The following SEC14L3 variants were observed in gnomAD, a reference collection of about 807,000 sequenced individuals.
SEC14L3 encodes the protein SEC14-like protein 3.
Under a neutral mutation model 57.4 loss-of-function variants are expected in SEC14L3, and 56 were observed. The observed-to-expected ratio is 0.97, with a 90% CI of 0.79 to 1.22. The LOEUF (loss-of-function observed/expected upper bound fraction) is 1.22. SEC14L3 is among the 50% of genes most tolerant of loss of function. The pLI, the probability that SEC14L3 is intolerant of heterozygous loss-of-function variation, is 0.00. For missense variants in SEC14L3, 485 were observed against 511.7 expected, an observed-to-expected ratio of 0.95 and a Z score of 0.50; for synonymous variants, 173 against 194.4, an observed-to-expected ratio of 0.89 and a Z score of 0.92.
chr22:30,460,190 CTT>C, intron 11 of SEC14L3, 48 bp from the exon 12 acceptor site: 8 of 1,597,130 alleles, frequency 5.0e-6, no homozygotes, highest in Non-Finnish European at 6.9e-6. Flanking sequence ...TTTACACACT[CTT>C]TTTTCCACCC....
intron 8 of SEC14L3, 128 bp from the exon 9 acceptor site, chr22:30,462,320 C>T (rs1601818616): frequency 2.9e-6 from 4 of 1,393,060 alleles, no homozygotes; most frequent in South Asian, 3.0e-5. Context: ...ACCAATTCCC[C>T]AGTGTCCTAG....
chr22:30,457,424 T>C (rs1332188254), downstream of SEC14L3, among the ~76,000 whole-genome samples: 10 of 146,062 alleles, frequency 6.8e-5, no homozygotes, highest in Non-Finnish European at 1.2e-4. Flanking sequence ...GCTCTGTTGC[T>C]CAGGCTGGAG....
Position 30,461,480 on chromosome 22 carries a change from C to G in SEC14L3, c.912-1G>C, listed in dbSNP as rs1277720403. 3 of 1,613,154 alleles carry G rather than the reference C, an allele frequency of 1.9e-6. No individual in the cohort carries two copies. The highest frequency in any genetic ancestry group is 2.5e-6 in the Non-Finnish European group (3 of 1,179,486). ...CGCACCATCAGATGAGAACTGCCAC[C>G]TGTCAGGGGGAGGGGGAGGAGACAG... is the stretch of plus-strand genomic sequence containing the variant. On this transcript the variant is annotated splice_acceptor_variant, in intron 10 of 11. Coordinates refer to ENST00000215812, the MANE Select transcript of SEC14L3 (RefSeq NM_174975.5). LOFTEE classifies it high-confidence loss of function.
chr22:30,469,060 G>C (rs1935520055), intron 4 of SEC14L3: 1 of 982,838 alleles, frequency 1.0e-6, no homozygotes, highest in Non-Finnish European at 1.4e-6. Flanking sequence ...GCTCATGCCT[G>C]TAATCCCAGC....
intron 5 of SEC14L3, among the ~76,000 whole-genome samples, chr22:30,467,921 A>G (rs1023279627): frequency 4.6e-5 from 7 of 152,232 alleles, no homozygotes; most frequent in African/African-American, 1.7e-4. Flanking sequence ...AGGCTCAGAC[A>G]GGTGAAATGA....
At position 30,470,519 on chromosome 22, in the gene SEC14L3, G is replaced by A. The variant is rs116155456; in HGVS notation, c.118C>T (p.Arg40Cys). 1.1e-4 allele frequency: 176 copies of A among 1,614,166 alleles called. No homozygotes were observed. The African/African-American group carries it at 1.7e-3, about 15-fold the overall frequency. ...LPNPDDYFLL[R>C]WLRARNFDLQ... ...CCTCTGCCCTCACCTCGGAGCCAGC[G>A]TAGAAGGAAATAATCATCAGGGTTG... The change falls in exon 2 of 12, where the codon CGC (arginine) becomes TGC (cysteine). Residue 40 changes from arginine to cysteine, a missense_variant. Transcript: ENST00000215812.
Position 30,461,328 on chromosome 22 carries a change from AG to A in SEC14L3, c.1062del (p.Cys355AlafsTer57). The A allele has an allele frequency of 1.2e-6, 2 of 1,602,722 alleles. No individual in the cohort carries two copies. The highest frequency in any genetic ancestry group is 2.2e-5 in the South Asian group (2 of 88,992). On this transcript the variant is annotated frameshift_variant, in exon 11 of 12. Coordinates refer to ENST00000215812, the MANE Select transcript of SEC14L3 (RefSeq NM_174975.5). LOFTEE classifies it high-confidence loss of function. The part of the protein sequence containing the change: ...AHMVPEDGNL[T>X]CSEAGVYVLR... ...GACTTACAGACGCCGGCCTCTGAGC[AG>A]GTGAGGTTCCCATCCTCGGGCACCA...
In SEC14L3 at chr22:30,467,053, C is replaced by CGATGGTCT. The variant is rs1569230737; in HGVS notation, c.440_447dup (p.Val150ArgfsTer4). ...AGGCCCTCACAGTCAAATATCATCACGATGGTCTCAATCTTCTTCCCTAGC... is the reference window on the plus strand; with the variant it reads ...AGGCCCTCACAGTCAAATATCATCACGATGGTCTGATGGTCTCAATCTTCTTCCCTAGC... On this transcript the variant is annotated frameshift_variant, in exon 6 of 12. Coordinates refer to ENST00000215812, the MANE Select transcript of SEC14L3 (RefSeq NM_174975.5). LOFTEE classifies it high-confidence loss of function. The CGATGGTCT allele has an allele frequency of 5.0e-6, 8 of 1,614,026 alleles. No individual in the cohort carries two copies. The highest frequency in any genetic ancestry group is 5.9e-6 in the Non-Finnish European group (7 of 1,179,946).
rs1018372669 is a variant in SEC14L3, at chr22:30,471,948, C to T, written c.11G>A (p.Arg4Gln). The T allele has an allele frequency of 2.7e-5, 44 of 1,608,522 alleles. No individual in the cohort carries two copies. The highest frequency in any genetic ancestry group is 1.7e-4 in the Middle Eastern group (1 of 6,060). MSGRVGDLSPKQAE... is the reference protein window; with the variant it reads MSGQVGDLSPKQAE... Reference sequence around the variant, plus strand: ...CTGTTTGGGGCTCAGGTCTCCAACTCGGCCGCTCATGGTGCTGGCTGGGGC... The same window carrying T: ...CTGTTTGGGGCTCAGGTCTCCAACTTGGCCGCTCATGGTGCTGGCTGGGGC... Residue 4 changes from arginine (R) to glutamine (Q), a missense_variant, in exon 1 of 12, where the codon CGA becomes CAA. Arg to Gln is a conservative substitution (Grantham distance 43). Coordinates refer to ENST00000215812, the MANE Select transcript of SEC14L3 (RefSeq NM_174975.5).
Position 30,469,058 on chromosome 22 carries a change from C to A in SEC14L3, c.235-362G>T, listed in dbSNP as rs996371908. On this transcript the variant is annotated intron_variant, in intron 4 of 11. Coordinates refer to ENST00000215812, the MANE Select transcript of SEC14L3 (RefSeq NM_174975.5). ...ACTGGCTGGGCATGGAGGCTCATGC[C>A]TGTAATCCCAGCTACTCAGGAGGTT... 6.8e-6 allele frequency: 7 copies of A among 1,029,800 alleles called. No homozygotes were observed. The East Asian group carries it at 2.2e-4, about 32-fold the overall frequency. The allele number at this position is 1,029,800 out of a possible 1,614,324, so 63.8% of individuals were successfully genotyped here. A position where few individuals can be genotyped will look rare whatever the true frequency, so the allele number is the denominator to read the frequency against.
Position 30,460,136 on chromosome 22 carries a change from A to C in SEC14L3, c.1088T>G (p.Leu363Arg). The change falls in exon 12 of 12, where the codon CTA (leucine) becomes CGA (arginine). Residue 363 changes from leucine (L) to arginine (R), a missense_variant. Coordinates refer to ENST00000215812, the MANE Select transcript of SEC14L3 (RefSeq NM_174975.5). ...LTCSEAGVYVLRFDNTYSFVH... is the reference protein window; with the variant it reads ...LTCSEAGVYVRRFDNTYSFVH... Reference sequence around the variant, plus strand: ...AAAGCTATAGGTGTTGTCGAAGCGTAGGACATCTGGGGGACAGATGGAAAG... The same window carrying C: ...AAAGCTATAGGTGTTGTCGAAGCGTCGGACATCTGGGGGACAGATGGAAAG... The C allele has an allele frequency of 6.2e-7, 1 of 1,613,928 alleles. No homozygotes were observed. The highest frequency in any genetic ancestry group is 8.5e-7 in the Non-Finnish European group (1 of 1,179,828).
downstream of SEC14L3, among the ~76,000 whole-genome samples, chr22:30,454,458 C>A (rs2146086618): frequency 9.1e-6 from 1 of 110,382 alleles, no homozygotes; most frequent in East Asian, 2.8e-4. Flanking sequence ...GAAAAAATAA[C>A]CCTTGTTTCT....
At position 30,460,041 on chromosome 22, in the gene SEC14L3, TATC is replaced by T. The variant is rs762713464; in HGVS notation, c.1180_1182del (p.Asp394del). 50 of 1,614,062 alleles carry T rather than the reference TATC, an allele frequency of 3.1e-5. No homozygotes were observed. The African/African-American group carries it at 6.1e-4, about 20-fold the overall frequency. On this transcript the variant is annotated inframe_deletion, in exon 12 of 12. Coordinates refer to ENST00000215812, the MANE Select transcript of SEC14L3 (RefSeq NM_174975.5). ...GCCACCTAGACAGGGGTGAGCTCCTTATCATATTTCTGCATGCCCTCGTCAGGG... is the reference window on the plus strand; with the variant it reads ...GCCACCTAGACAGGGGTGAGCTCCTTATATTTCTGCATGCCCTCGTCAGGG...
chr22:30,468,350 A>C (rs1049148910), intron 5 of SEC14L3, among the ~76,000 whole-genome samples, 158 bp downstream of exon 5: 5 of 151,832 alleles, frequency 3.3e-5, no homozygotes, highest in Non-Finnish European at 5.9e-5. Flanking sequence ...TGTGACTGTG[A>C]CTTTTCAAGG....
At chr22:30,470,102 A>G in intron 3 of SEC14L3, 24 bp from the exon 4 acceptor site, 1 of 1,607,646 alleles carries the variant, frequency 6.2e-7, no homozygotes, top group Non-Finnish European at 8.5e-7. Flanking sequence ...GAGTGGTAAG[A>G]TCCCACTGGG....
At chr22:30,455,526 G>A (rs1374316958), downstream of SEC14L3, among the ~76,000 whole-genome samples, 19 of 152,026 alleles carry the variant, frequency 1.2e-4, no homozygotes, top group Admixed American at 1.1e-3. Flanking sequence ...TTACAGGCAC[G>A]AGCCACTGCA....
At chr22:30,471,850 A>AC in intron 1 of SEC14L3, 55 bp downstream of exon 1, 1 of 1,611,060 alleles carries the variant, frequency 6.2e-7, no homozygotes, top group Non-Finnish European at 8.5e-7. Context: ...ACTTCTTTCC[A>AC]CCCCCCAGCC....
At chr22:30,459,212 A>C, downstream of SEC14L3, 4 of 942,514 alleles carry the variant, frequency 4.2e-6, no homozygotes, top group Non-Finnish European at 5.1e-6. Context: ...TCTGGTACAC[A>C]GAGAGCACTC....
intron 7 of SEC14L3, among the ~76,000 whole-genome samples, chr22:30,465,382 C>T (rs902452961): frequency 6.6e-6 from 1 of 152,104 alleles, no homozygotes; most frequent in African/African-American, 2.4e-5. Context: ...CTCTAGCCAG[C>T]CAACCATCCA....
Sources: gnomAD v4.1 joint callset for allele counts (sites outside exome capture counted in the v4.1 genomes callset) on GRCh38, gnomAD v4.1.1 for gene constraint, MANE v1.5 for transcripts, NCBI Gene and HGNC (gene_info 2026-07-23, HGNC 2026-07-21) for gene names.